The following TSPOAP1 variants were observed in gnomAD, a reference collection of about 807,000 sequenced individuals.
The protein encoded by TSPOAP1 is peripheral-type benzodiazepine receptor-associated protein 1.
A neutral mutation model predicts 197.0 loss-of-function variants in TSPOAP1; 87 were observed. The observed-to-expected ratio is 0.44, with a 90% CI of 0.37 to 0.53. The LOEUF (loss-of-function observed/expected upper bound fraction) is 0.53, where lower values mean the gene tolerates loss of function less well. Among genes scored for constraint, TSPOAP1 ranks in the 20% least tolerant of loss-of-function variants. The pLI, the probability that TSPOAP1 is intolerant of heterozygous loss-of-function variation, is 0.00. For missense variants in TSPOAP1, 2,174 were observed against 2,411.3 expected, an observed-to-expected ratio of 0.90 and a Z score of 2.06; for synonymous variants, 913 against 998.9, an observed-to-expected ratio of 0.91 and a Z score of 1.62.
intron 10 of TSPOAP1, among the ~76,000 whole-genome samples, chr17:58,321,266 T>C (rs759946734): frequency 1.2e-4 from 18 of 151,814 alleles, no homozygotes; most frequent in Non-Finnish European, 2.9e-5. Flanking sequence ...AGAGAAGGGA[T>C]TCAACTGGAA....
rs894881373 is a variant in TSPOAP1, at chr17:58,320,190, C to T, written c.1474-61G>A. The T allele has an allele frequency of 1.9e-6, 3 of 1,605,252 alleles. No homozygotes were observed. The African/African-American group carries it at 4.0e-5, about 21-fold the overall frequency. ...CCCTGAGCGCTGTGGGTTGCTAACC[C>T]AGAGAGGGAGGCGGAGAAGGGGGCC... On this transcript the variant is annotated intron_variant, in intron 11 of 31. Transcript: ENST00000343736.
In TSPOAP1 at chr17:58,311,666, A is replaced by G. The variant is rs200688273; in HGVS notation, c.2986T>C (p.Leu996=). Residue 996 remains leucine, a synonymous_variant, in exon 18 of 32, where the codon TTG becomes CTG. Transcript: ENST00000343736. ...QIEPGPSPGI[L]IISWLPVTID... ...GTGACTGGGAGCCAACTGATGATCA[A>G]GATCCCAGGGGAGGGCCCAGGCTCG... 4 of 1,610,090 alleles carry G rather than the reference A, an allele frequency of 2.5e-6. No homozygotes were observed. The Admixed American group carries it at 5.0e-5, about 20-fold the overall frequency.
In TSPOAP1 at chr17:58,310,851, T is replaced by C. The variant is rs1473964761; in HGVS notation, c.3444A>G (p.Pro1148=). 4 of 1,548,782 alleles carry C rather than the reference T, an allele frequency of 2.6e-6. No individual in the cohort carries two copies. Among genetic ancestry groups the C allele is most frequent in the Non-Finnish European group, 3.5e-6 (4 of 1,148,802 alleles). The change falls in exon 19 of 32, where the codon CCA becomes CCG. Residue 1148 remains proline, a synonymous_variant. Coordinates refer to ENST00000343736, the MANE Select transcript of TSPOAP1 (RefSeq NM_004758.4). ...GACAGGGTACCTGGGAGCAAGGTGC[T>C]GGAGGGTCCTCGTGGGACCCTTTTG... ...EMAKGSHEDP[P]APCSQEEAGA...
intron 16 of TSPOAP1, 94 bp from the exon 17 acceptor site, chr17:58,312,816 G>C: frequency 2.2e-6 from 2 of 896,262 alleles, no homozygotes; most frequent in Non-Finnish European, 3.3e-6. Context: ...GCAACTGCTA[G>C]TGGGTGATCT....
chr17:58,311,594 C>A lies in TSPOAP1; in HGVS notation c.3058G>T (p.Ala1020Ser). Residue 1020 changes from alanine to serine, a missense_variant, in exon 18 of 32, where the codon GCC (alanine) becomes TCC (serine). Ala to Ser is a moderately conservative substitution (Grantham distance 99). Transcript: ENST00000343736. Reference sequence around the variant, plus strand: ...ACCTTCTGCCCATCAGCGTAGATGGCATAGCCTGTGACCCGGACACCGTTG... The same window carrying A: ...ACCTTCTGCCCATCAGCGTAGATGGAATAGCCTGTGACCCGGACACCGTTG... Reference protein sequence around the residue: ...TSNGVRVTGYAIYADGQKIME... With the variant: ...TSNGVRVTGYSIYADGQKIME... The A allele has an allele frequency of 2.5e-6, 4 of 1,598,498 alleles. No individual in the cohort carries two copies. Among genetic ancestry groups the A allele is most frequent in the Non-Finnish European group, 3.4e-6 (4 of 1,170,594 alleles).
chr17:58,318,595 C>T (rs917177936), intron 13 of TSPOAP1, 143 bp from the exon 14 acceptor site: 1 of 792,448 alleles, frequency 1.3e-6, no homozygotes, highest in Non-Finnish European at 1.9e-6. Flanking sequence ...GAGAAACTTA[C>T]TAAATAGAGG....
chr17:58,314,576 C>T lies in TSPOAP1; in HGVS notation c.2098+1447G>A, dbSNP rs114907712. Among the ~76,000 whole-genome samples, 562 of 152,340 alleles carry T rather than the reference C, an allele frequency of 3.7e-3. 3 individuals carry two copies. Among genetic ancestry groups the T allele is most frequent in the African/African-American group, 0.012 (518 of 41,572 alleles). ...ACCGTAAGCTAAAAGAGACAAGGAA[C>T]GGAACCTCCCCTAGAGCCCCCAAGG... is the stretch of plus-strand genomic sequence containing the variant. On this transcript the variant is annotated intron_variant, in intron 16 of 31. Coordinates refer to ENST00000343736, the MANE Select transcript of TSPOAP1 (RefSeq NM_004758.4).
rs1008539556 is a variant in TSPOAP1 at position 58,303,491 on chromosome 17, C to T, written c.*32+847G>A. On this transcript the variant is annotated intron_variant, in intron 31 of 31. Transcript: ENST00000343736. ...CCCCCAACCAGCCAGAGCCAATAGC[C>T]GGCTGGCGAGCCCCAGGCCCTTCCC... 5 of 152,186 alleles carry T rather than the reference C, an allele frequency of 3.3e-5. No individual in the cohort carries two copies. The South Asian group carries it at 6.2e-4, about 19-fold the overall frequency. The allele number at this position is 152,186 out of a possible 1,614,324, so 9.4% of individuals were successfully genotyped here. A position where few individuals can be genotyped will look rare whatever the true frequency, so the allele number is the denominator to read the frequency against.
chr17:58,301,667 G>T lies in TSPOAP1; in HGVS notation c.*813C>A, dbSNP rs1970727491. On this transcript the variant is annotated 3_prime_UTR_variant, in exon 32 of 32. Coordinates refer to ENST00000343736, the MANE Select transcript of TSPOAP1 (RefSeq NM_004758.4). ...GATGGAGCACGACGGGGGCAGGGTG[G>T]GGCCCACTTTGGCTTGGCCTTTCTC... is the stretch of plus-strand genomic sequence containing the variant. 1 of 152,928 alleles carries T rather than the reference G, an allele frequency of 6.5e-6. No individual in the cohort carries two copies. Among genetic ancestry groups the T allele is most frequent in the African/African-American group, 2.4e-5 (1 of 41,454 alleles). The allele number at this position is 152,928 out of a possible 1,614,324, so 9.5% of individuals were successfully genotyped here. A position where few individuals can be genotyped will look rare whatever the true frequency, so the allele number is the denominator to read the frequency against.
In TSPOAP1 at chr17:58,304,385, TCTC is replaced by T. The variant is rs547841194; in HGVS notation, c.5556_5558del (p.Arg1854del). On this transcript the variant is annotated inframe_deletion, in exon 31 of 32. Coordinates refer to ENST00000343736, the MANE Select transcript of TSPOAP1 (RefSeq NM_004758.4). The surrounding 1 kb of genome is among the most constrained non-coding windows in gnomAD (Gnocchi z 4.2). The stretch of plus-strand genomic sequence containing the variant: ...CTATCTCCATCTAGCACTGGACTCT[TCTC>T]CTCCTCGTTCTCTGAGGACAGGGAA... The T allele has an allele frequency of 6.2e-4, 998 of 1,613,852 alleles. 3 individuals are homozygous for T. In the African/African-American group the frequency reaches 7.0e-3, roughly 11 times the overall value.
In TSPOAP1 at chr17:58,326,244, C is replaced by A; in HGVS notation, c.570+49G>T. 1.9e-6 allele frequency: 3 copies of A among 1,608,298 alleles called. No homozygotes were observed. On this transcript the variant is annotated intron_variant, in intron 3 of 31. Transcript: ENST00000343736. This position sits in a 1 kb window ranked among gnomAD's most constrained non-coding sequence, Gnocchi z 4.7. The stretch of plus-strand genomic sequence containing the variant: ...CAGCCCTCAGGCCCAGCCCTGGCTC[C>A]CCTCTTCCTTGGTCACCCAGCCTCC...
chr17:58,305,987 G>T (rs899967193), intron 26 of TSPOAP1, 122 bp from the exon 27 acceptor site: 2 of 1,096,960 alleles, frequency 1.8e-6, no homozygotes, highest in Non-Finnish European at 2.6e-6. Flanking sequence ...TGCCGAGGGC[G>T]CATCTCCCCA....
In TSPOAP1 at chr17:58,310,042, TTCC is replaced by T. The variant is rs745797044; in HGVS notation, c.3813_3815del (p.Glu1274del). On this transcript the variant is annotated inframe_deletion, in exon 21 of 32. Coordinates refer to ENST00000343736, the MANE Select transcript of TSPOAP1 (RefSeq NM_004758.4). ...AGCAAGTCCTGGAACCCAGCTCCTC[TTCC>T]TCCTCCTCCTCCTCCTCTTCCTCTT... is the stretch of plus-strand genomic sequence containing the variant. 1.3e-4 allele frequency: 214 copies of T among 1,605,676 alleles called. No individual in the cohort carries two copies. The highest frequency in any genetic ancestry group is 3.8e-4 in the South Asian group (34 of 90,168).
In TSPOAP1 at chr17:58,326,999, T is replaced by G. The variant is rs1322820937; in HGVS notation, c.334-209A>C. Among the ~76,000 whole-genome samples the G allele has an allele frequency of 5.3e-5, 8 of 152,230 alleles. No homozygotes were observed. Among genetic ancestry groups the G allele is most frequent in the African/African-American group, 1.9e-4 (8 of 41,524 alleles). On this transcript the variant is annotated intron_variant, in intron 1 of 31. Coordinates refer to ENST00000343736, the MANE Select transcript of TSPOAP1 (RefSeq NM_004758.4). The surrounding 1 kb of genome is among the most constrained non-coding windows in gnomAD (Gnocchi z 4.7). ...CTGTCCACATAGACACCCCCAAACC[T>G]GGCACCCTCCTGCTCCTCCCTGATC... is the stretch of plus-strand genomic sequence containing the variant.
rs1243144899 is a variant in TSPOAP1, at chr17:58,324,676, C to T, written c.942+135G>A. ...GTGGACCCTGCCCAGGACGGGAAAG[C>T]TCCCCAGCCCCTGGGAGTGCGCACA... On this transcript the variant is annotated intron_variant, in intron 5 of 31. Coordinates refer to ENST00000343736, the MANE Select transcript of TSPOAP1 (RefSeq NM_004758.4). This position sits in a 1 kb window ranked among gnomAD's most constrained non-coding sequence, Gnocchi z 5.8. 4.0e-6 allele frequency: 3 copies of T among 745,606 alleles called. No individual in the cohort carries two copies. The highest frequency in any genetic ancestry group is 3.2e-5 in the East Asian group (1 of 31,236). 46.2% of individuals were successfully genotyped at this position (745,606 alleles called of 1,614,324 possible).
chr17:58,325,960 G>A (rs1303995884), intron 3 of TSPOAP1, among the ~76,000 whole-genome samples: 1 of 152,148 alleles, frequency 6.6e-6, no homozygotes, highest in Non-Finnish European at 1.5e-5. Context: ...ACTGTGATGG[G>A]TCTCATCCCT....
At position 58,309,237 on chromosome 17, in the gene TSPOAP1, CTCCTCCTCG is replaced by C; in HGVS notation, c.4026_4034del (p.Asp1342_Glu1344del). On this transcript the variant is annotated inframe_deletion, in exon 22 of 32. Coordinates refer to ENST00000343736, the MANE Select transcript of TSPOAP1 (RefSeq NM_004758.4). The surrounding 1 kb of genome is among the most constrained non-coding windows in gnomAD (Gnocchi z 5.0). The stretch of plus-strand genomic sequence containing the variant: ...AAGAACAGCCTGCCCCTGACTTCTC[CTCCTCCTCG>C]TCCTCCTCTTCCTCTTCCTCCTCCT... 6.4e-7 allele frequency: 1 copy of C among 1,570,616 alleles called. No individual in the cohort carries two copies. Among genetic ancestry groups the C allele is most frequent in the South Asian group, 1.1e-5 (1 of 90,880 alleles).
In TSPOAP1 at chr17:58,309,170, C is replaced by T; in HGVS notation, c.4102G>A (p.Gly1368Ser). ...CTTCGGGGCTGACCACTGTCACAGC[C>T]CAGCCCCAGCAATGCAGGTTCAGGC... is the stretch of plus-strand genomic sequence containing the variant. ...GPPEPALLGLGCDSGQPRRPG... is the reference protein window; with the variant it reads ...GPPEPALLGLSCDSGQPRRPG... Residue 1368 changes from glycine (G) to serine (S), a missense_variant, in exon 22 of 32, where the codon GGC becomes AGC. By Grantham distance (56) the Gly-to-Ser change is moderately conservative. Transcript: ENST00000343736. The surrounding 1 kb of genome is among the most constrained non-coding windows in gnomAD (Gnocchi z 5.0). 6.2e-7 allele frequency: 1 copy of T among 1,614,014 alleles called. No homozygotes were observed. Among genetic ancestry groups the T allele is most frequent in the Non-Finnish European group, 8.5e-7 (1 of 1,180,034 alleles).
rs1971303810 is a variant in TSPOAP1, at chr17:58,318,411, T to C, written c.1741A>G (p.Lys581Glu). ...GTGGCAGGGGCAGGCTCGGAAGACT[T>C]TGGGGTGCAGCGCCCAGGGGAGCCC... The part of the protein sequence containing the change: ...PPGSPGRCTP[K>E]SSEPAPATLT... The change falls in exon 14 of 32, where the codon AAG (lysine) becomes GAG (glutamate). Residue 581 changes from lysine to glutamate, a missense_variant. Coordinates refer to ENST00000343736, the MANE Select transcript of TSPOAP1 (RefSeq NM_004758.4). 1.2e-6 allele frequency: 2 copies of C among 1,613,712 alleles called. No individual in the cohort carries two copies. Among genetic ancestry groups the C allele is most frequent in the Non-Finnish European group, 1.7e-6 (2 of 1,179,954 alleles).
Sources: allele counts gnomAD v4.1 joint callset (sites outside exome capture counted in the v4.1 genomes callset), GRCh38; gene constraint gnomAD v4.1.1; non-coding constraint Gnocchi (gnomAD v3.1); transcripts MANE v1.5; gene names NCBI Gene and HGNC (gene_info 2026-07-23, HGNC 2026-07-21).